Variants in ADAMTSL1 observed in about 807,000 individuals in gnomAD.
ADAMTSL1 encodes ADAMTS-like protein 1.
ADAMTSL1 carries 126 observed loss-of-function variants against 201.8 expected under a neutral mutation model. The ratio of observed to expected loss-of-function variants is 0.62; its 90% CI spans 0.54 to 0.72. ADAMTSL1 has a LOEUF of 0.72. Ranked by LOEUF, ADAMTSL1 falls within the 30% of genes least tolerant of loss-of-function variation. The probability of loss-of-function intolerance (pLI) is 0.00; values close to 1 mark genes in which losing one functional copy is unlikely to be tolerated. For missense variants in ADAMTSL1, 2,679 were observed against 2,277.8 expected, an observed-to-expected ratio of 1.18 and a Z score of -3.59; for synonymous variants, 1,121 against 903.4, an observed-to-expected ratio of 1.24 and a Z score of -4.32.
At position 18,395,561 on chromosome 9, in the gene ADAMTSL1, A is replaced by G. The variant is rs545811541; in HGVS notation, c.208-109268A>G. Among the ~76,000 whole-genome samples, 4 of 152,312 alleles carry G rather than the reference A, an allele frequency of 2.6e-5. No individual in the cohort carries two copies. The East Asian group carries it at 7.7e-4, about 29-fold the overall frequency. ...AGACCCATTTTCTGATAGGGTATTT[A>G]TCTGGCAAAATTCAATGAATGAATG... On this transcript the variant is annotated intron_variant, in intron 2 of 29. Coordinates refer to the ADAMTSL1 transcript ENST00000680146.
chr9:18,659,919 TAAAA>T (rs5896794), intron 8 of ADAMTSL1, among the ~76,000 whole-genome samples: 50 of 151,648 alleles, frequency 3.3e-4, no homozygotes, highest in African/African-American at 4.8e-4. Flanking sequence ...TTGTTTTTTT[TAAAA>T]AAAAAAATGA....
At chr9:18,884,548 C>G (rs1049139628) in intron 23 of ADAMTSL1, among the ~76,000 whole-genome samples, 1 of 151,948 alleles carries the variant, frequency 6.6e-6, no homozygotes. Context: ...GCTTTCAGCT[C>G]TTAGGTTTAG....
At chr9:18,235,465 A>G (rs543301537) in intron 2 of ADAMTSL1, among the ~76,000 whole-genome samples, 34 of 152,288 alleles carry the variant, frequency 2.2e-4, no homozygotes, top group African/African-American at 7.0e-4. Context: ...CCACCCTCCC[A>G]TGGAACATAT....
intron 3 of ADAMTSL1, among the ~76,000 whole-genome samples, chr9:18,571,807 A>T (rs1425309895): frequency 6.6e-6 from 1 of 152,216 alleles, no homozygotes; most frequent in East Asian, 1.9e-4. Flanking sequence ...TGGAAGTCTT[A>T]TCTTTGGAAT....
intron 23 of ADAMTSL1, among the ~76,000 whole-genome samples, chr9:18,882,703 G>A (rs1291254528): frequency 6.6e-6 from 1 of 152,080 alleles, no homozygotes; most frequent in Non-Finnish European, 1.5e-5. Context: ...CTTGAATAAG[G>A]TGATACAGGG....
chr9:18,625,506 C>A (rs1001483016), intron 5 of ADAMTSL1, among the ~76,000 whole-genome samples: 11 of 152,166 alleles, frequency 7.2e-5, no homozygotes, highest in African/African-American at 2.7e-4. Flanking sequence ...AGTACTCTTT[C>A]TCCTTTCTTA....
At chr9:18,129,074 T>C (rs1359387111) in intron 1 of ADAMTSL1, among the ~76,000 whole-genome samples, 1 of 152,226 alleles carries the variant, frequency 6.6e-6, no homozygotes, top group Non-Finnish European at 1.5e-5. Context: ...CACCTTATTT[T>C]AGCAATGGTA....
chr9:18,646,568 A>C lies in ADAMTSL1; in HGVS notation c.834+7157A>C, dbSNP rs963341014. On this transcript the variant is annotated intron_variant, in intron 7 of 28. Transcript: ENST00000380548. Reference sequence around the variant, plus strand: ...TATTATTTTGAGATACGTCCCATCAATACCTAATTTATTGAGACTTTTTAG... The same window carrying C: ...TATTATTTTGAGATACGTCCCATCACTACCTAATTTATTGAGACTTTTTAG... Among the ~76,000 whole-genome samples the C allele has an allele frequency of 1.8e-4, 26 of 145,010 alleles. 1 individual carries two copies. Among genetic ancestry groups the C allele is most frequent in the African/African-American group, 6.0e-4 (23 of 38,492 alleles).
intron 23 of ADAMTSL1, among the ~76,000 whole-genome samples, chr9:18,886,168 A>ATGTATATG (rs1229697274): frequency 5.1e-5 from 2 of 39,482 alleles, no homozygotes; most frequent in African/African-American, 2.5e-4. Flanking sequence ...GTGTATGTGT[A>ATGTATATG]TATATATATA....
At chr9:18,584,177 G>A (rs943095078) in intron 4 of ADAMTSL1, among the ~76,000 whole-genome samples, 2 of 152,180 alleles carry the variant, frequency 1.3e-5, no homozygotes, top group Non-Finnish European at 2.9e-5. Flanking sequence ...CAATTCCCAC[G>A]TGTTGTGGGA....
chr9:18,822,603 T>G (rs1171550892), intron 21 of ADAMTSL1, among the ~76,000 whole-genome samples: 1 of 152,114 alleles, frequency 6.6e-6, no homozygotes, highest in Non-Finnish European at 1.5e-5. Context: ...ACAGAAACTC[T>G]TTTCTGATGT....
intron 1 of ADAMTSL1, among the ~76,000 whole-genome samples, chr9:18,071,777 A>G (rs976443061): frequency 3.3e-5 from 5 of 152,182 alleles, no homozygotes; most frequent in African/African-American, 1.2e-4. Flanking sequence ...CAGCCGGTGA[A>G]TTATTTGATG....
chr9:18,413,579 C>T (rs543267972), intron 2 of ADAMTSL1, among the ~76,000 whole-genome samples: 1 of 152,270 alleles, frequency 6.6e-6, no homozygotes, highest in African/African-American at 2.4e-5. Flanking sequence ...AAATATTTTC[C>T]ATAGCATTTT....
chr9:18,888,140 G>A (rs1829020521), intron 24 of ADAMTSL1, 97 bp downstream of exon 24: 4 of 1,314,858 alleles, frequency 3.0e-6, no homozygotes, highest in Non-Finnish European at 4.2e-6. Flanking sequence ...CTGATCTCCA[G>A]TGGTACTCAA....
chr9:18,396,848 A>T (rs1273661672), intron 2 of ADAMTSL1, among the ~76,000 whole-genome samples: 2 of 152,200 alleles, frequency 1.3e-5, no homozygotes, highest in Non-Finnish European at 2.9e-5. Flanking sequence ...CCTGGGCAAC[A>T]GAACAAGACC....
chr9:17,913,567 C>T (rs1388963005), intron 1 of ADAMTSL1, among the ~76,000 whole-genome samples: 3 of 152,072 alleles, frequency 2.0e-5, no homozygotes, highest in East Asian at 1.9e-4. Context: ...CAAGAGAAAG[C>T]AGGAAAGATC....
chr9:17,937,068 G>A (rs912759952), intron 1 of ADAMTSL1, among the ~76,000 whole-genome samples: 1 of 152,114 alleles, frequency 6.6e-6, no homozygotes, highest in Non-Finnish European at 1.5e-5. Flanking sequence ...CCTAACTGTT[G>A]TCAACCTGTC....
chr9:18,537,948 A>G (rs1374682232), intron 3 of ADAMTSL1, among the ~76,000 whole-genome samples: 3 of 142,600 alleles, frequency 2.1e-5, no homozygotes, highest in Non-Finnish European at 4.6e-5. Flanking sequence ...AAGAGGAAGA[A>G]GAAGAAGGAA....
chr9:18,563,510 C>T (rs556325631), intron 3 of ADAMTSL1, among the ~76,000 whole-genome samples: 43 of 152,346 alleles, frequency 2.8e-4, no homozygotes, highest in Non-Finnish European at 5.6e-4. Flanking sequence ...CTTCACGAGG[C>T]AGCCTGTCCC....
Sources: gnomAD v4.1 joint callset for allele counts (sites outside exome capture counted in the v4.1 genomes callset) on GRCh38, gnomAD v4.1.1 for gene constraint, MANE v1.5 for transcripts, NCBI Gene and HGNC (gene_info 2026-07-23, HGNC 2026-07-21) for gene names.